The following AGAP1 variants were observed in gnomAD, a reference collection of about 807,000 sequenced individuals.
AGAP1 encodes the protein arf-GAP with GTPase, ANK repeat and PH domain-containing protein 1.
AGAP1 carries 29 observed loss-of-function variants against 105.3 expected under a neutral mutation model. The ratio of observed to expected loss-of-function variants is 0.28; its 90% CI spans 0.21 to 0.38. The LOEUF (loss-of-function observed/expected upper bound fraction) is 0.38, where lower values mean the gene tolerates loss of function less well. Among genes scored for constraint, AGAP1 ranks in the 10% least tolerant of loss-of-function variants. AGAP1 has a pLI of 1.00. For synonymous variants in AGAP1, 509 were observed against 485.9 expected, an observed-to-expected ratio of 1.05 and a Z score of -0.63; for missense variants, 998 against 1,165.1, an observed-to-expected ratio of 0.86 and a Z score of 2.09.
rs967387744 is a variant in AGAP1 at position 235,609,378 on chromosome 2, A to G, written c.164-99801A>G. On this transcript the variant is annotated intron_variant, in intron 1 of 17. Transcript: ENST00000304032. This position sits in a 1 kb window ranked among gnomAD's most constrained non-coding sequence, Gnocchi z 5.1. ...GACATGGGGCAGGGAGAGCTTCAGAATGAGCGGGAAGCCTCCACAACAGGT... is the reference window on the plus strand; with the variant it reads ...GACATGGGGCAGGGAGAGCTTCAGAGTGAGCGGGAAGCCTCCACAACAGGT... Among the ~76,000 whole-genome samples the G allele has an allele frequency of 3.3e-5, 5 of 152,186 alleles. No individual in the cohort carries two copies. In the East Asian group the frequency reaches 7.7e-4, roughly 23 times the overall value.
intron 16 of AGAP1, among the ~76,000 whole-genome samples, chr2:236,103,579 T>A (rs1276615170): frequency 6.6e-6 from 1 of 152,002 alleles, no homozygotes; most frequent in Admixed American, 6.6e-5. Flanking sequence ...CTTCTTTTTT[T>A]TCCCCCTGAG....
intron 1 of AGAP1, among the ~76,000 whole-genome samples, chr2:235,685,756 TCA>T (rs1337193192): frequency 6.6e-6 from 1 of 152,116 alleles, no homozygotes; most frequent in African/African-American, 2.4e-5. Context: ...GAGACGGGTC[TCA>T]GTTAATCTTG....
intron 6 of AGAP1, among the ~76,000 whole-genome samples, chr2:235,772,648 A>G (rs537185495): frequency 2.2e-4 from 33 of 152,330 alleles, no homozygotes; most frequent in African/African-American, 7.5e-4. Flanking sequence ...AATGCCTCTC[A>G]TAGCTGAAAT....
At chr2:236,048,408 G>A (rs1050152892) in intron 15 of AGAP1, among the ~76,000 whole-genome samples, 3 of 152,200 alleles carry the variant, frequency 2.0e-5, no homozygotes, top group South Asian at 2.1e-4. Flanking sequence ...GCAAGTCAGC[G>A]TTGGTTGCGC....
chr2:236,085,254 A>G (rs180765840), intron 16 of AGAP1, among the ~76,000 whole-genome samples: 231 of 151,432 alleles, frequency 1.5e-3, no homozygotes, highest in African/African-American at 5.3e-3. Flanking sequence ...TTATTTACCC[A>G]ATTCTGTGAC....
At position 235,907,992 on chromosome 2, in the gene AGAP1, A is replaced by G. The variant is rs548561538; in HGVS notation, c.1156-746A>G. ...ACAATAATAATAATGAGTGATGATG[A>G]TGCTGCACTAAAGGATCAGTAACTC... On this transcript the variant is annotated intron_variant, in intron 10 of 17. Transcript: ENST00000304032. 8.5e-5 allele frequency among the ~76,000 whole-genome samples: 13 copies of G among 152,334 alleles called. No individual in the cohort carries two copies. The East Asian group carries it at 2.3e-3, about 27-fold the overall frequency.
Position 235,705,366 on chromosome 2 carries a change from AT to A in AGAP1, c.164-3812del, listed in dbSNP as rs761736982. ...CAGGTGTGCACACATCCGGATGTGC[AT>A]CCACACACTCATGCGCATATGCCCA... On this transcript the variant is annotated intron_variant, in intron 1 of 17. Transcript: ENST00000304032. This position sits in a 1 kb window ranked among gnomAD's most constrained non-coding sequence, Gnocchi z 4.9. 5.3e-5 allele frequency among the ~76,000 whole-genome samples: 8 copies of A among 152,178 alleles called. No individual in the cohort carries two copies. The highest frequency in any genetic ancestry group is 1.2e-4 in the Non-Finnish European group (8 of 68,020).
chr2:235,828,788 G>A (rs773435369), intron 9 of AGAP1, among the ~76,000 whole-genome samples: 2 of 152,166 alleles, frequency 1.3e-5, no homozygotes, highest in South Asian at 2.1e-4. Context: ...TGGTTGACAC[G>A]TTGAGGACAC....
chr2:235,530,274 G>A (rs928906128), intron 1 of AGAP1, among the ~76,000 whole-genome samples: 2 of 152,140 alleles, frequency 1.3e-5, no homozygotes, highest in African/African-American at 2.4e-5. Context: ...ATGTACAGTC[G>A]ACTTGCCATA....
rs1952064714 is a variant in AGAP1, at chr2:235,733,448, G to A, written c.311-7515G>A. Among the ~76,000 whole-genome samples the A allele has an allele frequency of 6.6e-6, 1 of 152,196 alleles. No homozygotes were observed. Among genetic ancestry groups the A allele is most frequent in the African/African-American group, 2.4e-5 (1 of 41,442 alleles). On this transcript the variant is annotated intron_variant, in intron 3 of 17. Coordinates refer to ENST00000304032, the MANE Select transcript of AGAP1 (RefSeq NM_001037131.3). The surrounding 1 kb of genome is among the most constrained non-coding windows in gnomAD (Gnocchi z 5.0). ...TCTTCCTTTTTGTTCCTTAGAGCCT[G>A]CGTTTTTTGAGGTTTATTATGTAAA... is the stretch of plus-strand genomic sequence containing the variant.
intron 1 of AGAP1, among the ~76,000 whole-genome samples, chr2:235,511,915 TGTGTGTGA>T (rs1258827618): frequency 6.6e-6 from 1 of 151,452 alleles, no homozygotes; most frequent in Non-Finnish European, 1.5e-5. Flanking sequence ...AGTATGTGGA[TGTGTGTGA>T]ATGTGTGAAT....
rs1324106635 is a variant in AGAP1 at position 235,598,566 on chromosome 2, G to A, written c.163+103717G>A. ...GATGTGAAGTGAGGACTTACTGGAT[G>A]ACGTGAAACTAATTTTAACTTTCTT... On this transcript the variant is annotated intron_variant, in intron 1 of 17. Coordinates refer to ENST00000304032, the MANE Select transcript of AGAP1 (RefSeq NM_001037131.3). 2.0e-5 allele frequency among the ~76,000 whole-genome samples: 3 copies of A among 152,346 alleles called. No individual in the cohort carries two copies. The East Asian group carries it at 5.8e-4, about 29-fold the overall frequency.
intron 10 of AGAP1, among the ~76,000 whole-genome samples, chr2:235,886,950 G>A (rs150841031): frequency 1.3e-5 from 2 of 152,308 alleles, no homozygotes; most frequent in African/African-American, 4.8e-5. Flanking sequence ...AGTTAGTCTG[G>A]TGGTCTTGGT....
chr2:235,846,020 A>C (rs1438330998), intron 9 of AGAP1, among the ~76,000 whole-genome samples: 1 of 152,046 alleles, frequency 6.6e-6, no homozygotes, highest in Non-Finnish European at 1.5e-5. Flanking sequence ...TAAAAATACT[A>C]AATTAAAAAA....
chr2:235,585,124 T>C (rs534277626), intron 1 of AGAP1, among the ~76,000 whole-genome samples: 2 of 152,254 alleles, frequency 1.3e-5, no homozygotes, highest in South Asian at 2.1e-4. Context: ...TCATTTCTTA[T>C]CGCTGTTGTA....
At chr2:236,069,235 A>G (rs1210173558) in intron 16 of AGAP1, among the ~76,000 whole-genome samples, 1 of 152,226 alleles carries the variant, frequency 6.6e-6, no homozygotes, top group African/African-American at 2.4e-5. Context: ...ATTATATAAA[A>G]TACATGATTT....
In AGAP1 at chr2:236,101,548, C is replaced by G. The variant is rs1232519902; in HGVS notation, c.2115-18644C>G. Among the ~76,000 whole-genome samples the G allele has an allele frequency of 6.6e-6, 1 of 152,232 alleles. No homozygotes were observed. Among genetic ancestry groups the G allele is most frequent in the Admixed American group, 6.5e-5 (1 of 15,284 alleles). Reference sequence around the variant, plus strand: ...CTCTTCCGTGTGAGAAGAGCCTTGGCTGTTCCTCTCCCTGGTGTTTAAAGG... The same window carrying G: ...CTCTTCCGTGTGAGAAGAGCCTTGGGTGTTCCTCTCCCTGGTGTTTAAAGG... On this transcript the variant is annotated intron_variant, in intron 16 of 17. Transcript: ENST00000304032. The surrounding 1 kb of genome is among the most constrained non-coding windows in gnomAD (Gnocchi z 4.9).
At chr2:235,678,369 CAT>C (rs1342889736) in intron 1 of AGAP1, among the ~76,000 whole-genome samples, 1 of 152,128 alleles carries the variant, frequency 6.6e-6, no homozygotes, top group African/African-American at 2.4e-5. Flanking sequence ...TAGAGAAACA[CAT>C]AGAAAGGACA....
chr2:235,649,831 A>T (rs1428482422), intron 1 of AGAP1, among the ~76,000 whole-genome samples: 2 of 152,228 alleles, frequency 1.3e-5, no homozygotes, highest in Non-Finnish European at 2.9e-5. Context: ...GCTGATGAAA[A>T]TGAAACCAAT....
Sources: allele counts gnomAD v4.1 joint callset (sites outside exome capture counted in the v4.1 genomes callset), GRCh38; gene constraint gnomAD v4.1.1; non-coding constraint Gnocchi (gnomAD v3.1); transcripts MANE v1.5; gene names NCBI Gene and HGNC (gene_info 2026-07-23, HGNC 2026-07-21).